The following CNTN5 variants were observed in gnomAD, a reference collection of about 807,000 sequenced individuals.
The protein encoded by CNTN5 is contactin 5.
A neutral mutation model predicts 129.1 loss-of-function variants in CNTN5; 77 were observed. The ratio of observed to expected loss-of-function variants is 0.60; its 90% confidence interval spans 0.50 to 0.72. The LOEUF is 0.72. Ranked by LOEUF, CNTN5 falls within the 30% of genes least tolerant of loss-of-function variation. CNTN5 has a pLI of 0.00. For synonymous variants in CNTN5, 509 were observed against 465.6 expected, an observed-to-expected ratio of 1.09 and a Z score of -1.20; for missense variants, 1,478 against 1,328.8, an observed-to-expected ratio of 1.11 and a Z score of -1.75.
At chr11:99,829,148 TAAAG>T (rs1193594332) in intron 4 of CNTN5, among the ~76,000 whole-genome samples, 2 of 152,160 alleles carry the variant, frequency 1.3e-5, no homozygotes, top group Admixed American at 6.5e-5. Flanking sequence ...GTGATATACT[TAAAG>T]AAGCATCAAA....
intron 1 of CNTN5, among the ~76,000 whole-genome samples, chr11:99,195,905 C>T (rs1352118821): frequency 6.6e-6 from 1 of 151,882 alleles, no homozygotes; most frequent in African/African-American, 2.4e-5. Context: ...ATACTTTATT[C>T]TGTCTACAGA....
chr11:100,302,847 TAAA>T (rs888175065), intron 20 of CNTN5, among the ~76,000 whole-genome samples: 6 of 151,632 alleles, frequency 4.0e-5, no homozygotes, highest in Non-Finnish European at 5.9e-5. Flanking sequence ...AGAATGCAAA[TAAA>T]ATTAATTATT....
chr11:99,600,018 C>T (rs369471832), intron 3 of CNTN5, among the ~76,000 whole-genome samples: 1 of 151,840 alleles, frequency 6.6e-6, no homozygotes. Flanking sequence ...AGAACTGATA[C>T]GAGGATGAAG....
chr11:99,267,560 T>C (rs1052286912), intron 1 of CNTN5, among the ~76,000 whole-genome samples: 2 of 152,010 alleles, frequency 1.3e-5, no homozygotes, highest in Non-Finnish European at 1.5e-5. Flanking sequence ...GTTAGTTTAA[T>C]TGATACTTGG....
At chr11:99,815,695 C>T (rs987594752) in intron 3 of CNTN5, among the ~76,000 whole-genome samples, 2 of 152,120 alleles carry the variant, frequency 1.3e-5, no homozygotes, top group Admixed American at 6.5e-5. Context: ...CTGCTGTGTG[C>T]ACACCCTCTG....
chr11:100,196,861 T>C (rs1948652357), intron 15 of CNTN5, among the ~76,000 whole-genome samples: 1 of 151,974 alleles, frequency 6.6e-6, no homozygotes, highest in Non-Finnish European at 1.5e-5. Context: ...AGTGAGTATA[T>C]TCTTAAGATT....
At chr11:100,038,816 G>A (rs1362916188) in intron 9 of CNTN5, among the ~76,000 whole-genome samples, 1 of 151,908 alleles carries the variant, frequency 6.6e-6, no homozygotes, top group East Asian at 1.9e-4. Flanking sequence ...TTTTCCATTT[G>A]CTTGATACAT....
intron 4 of CNTN5, among the ~76,000 whole-genome samples, chr11:99,837,286 C>T (rs1200767579): frequency 6.6e-6 from 1 of 152,104 alleles, no homozygotes; most frequent in African/African-American, 2.4e-5. Flanking sequence ...TAATATTAGC[C>T]AACATCAGAA....
At chr11:99,975,552 AT>A (rs1487595110) in intron 8 of CNTN5, among the ~76,000 whole-genome samples, 2 of 152,190 alleles carry the variant, frequency 1.3e-5, no homozygotes, top group Non-Finnish European at 2.9e-5. Context: ...TGACTCACAG[AT>A]CCACGTGGCT....
chr11:99,460,824 T>G (rs574753080), intron 2 of CNTN5, among the ~76,000 whole-genome samples: 46 of 152,110 alleles, frequency 3.0e-4, no homozygotes, highest in Middle Eastern at 3.4e-3. Context: ...ACGTTATCAA[T>G]TTCTTACATA....
chr11:100,286,233 T>A, intron 18 of CNTN5, among the ~76,000 whole-genome samples: 1 of 152,176 alleles, frequency 6.6e-6, no homozygotes, highest in Non-Finnish European at 1.5e-5. Context: ...GCAGGGAAGC[T>A]CCAACTGGGT....
chr11:100,248,583 C>T (rs1331400234), intron 16 of CNTN5, among the ~76,000 whole-genome samples: 1 of 151,802 alleles, frequency 6.6e-6, no homozygotes, highest in Non-Finnish European at 1.5e-5. Flanking sequence ...GCAGGAAAGT[C>T]CTTAAAATCA....
rs1043742276 is a variant in CNTN5 at position 99,942,286 on chromosome 11, T to C, written c.674-14520T>C. On this transcript the variant is annotated intron_variant, in intron 7 of 24. Coordinates refer to ENST00000524871, the MANE Select transcript of CNTN5 (RefSeq NM_014361.4). ...GCATCCAGAGAACTATGGGAGAACATAGGACCACTACAAGAGGAATGTGTT... is the reference window on the plus strand; with the variant it reads ...GCATCCAGAGAACTATGGGAGAACACAGGACCACTACAAGAGGAATGTGTT... Among the ~76,000 whole-genome samples, 7 of 152,002 alleles carry C rather than the reference T, an allele frequency of 4.6e-5. No homozygotes were observed. The East Asian group carries it at 9.7e-4, about 21-fold the overall frequency.
At chr11:99,279,974 A>ATCTGT (rs1012808218) in intron 1 of CNTN5, among the ~76,000 whole-genome samples, 3 of 151,492 alleles carry the variant, frequency 2.0e-5, no homozygotes, top group African/African-American at 7.3e-5. Context: ...AGCATAATAT[A>ATCTGT]TCTGTTCTTT....
Position 99,612,634 on chromosome 11 carries a change from C to G in CNTN5, c.55+56365C>G, listed in dbSNP as rs369817386. Among the ~76,000 whole-genome samples the G allele has an allele frequency of 9.2e-5, 14 of 152,238 alleles. No individual in the cohort carries two copies. In the East Asian group the frequency reaches 2.5e-3, roughly 27 times the overall value. On this transcript the variant is annotated intron_variant, in intron 3 of 24. Coordinates refer to ENST00000524871, the MANE Select transcript of CNTN5 (RefSeq NM_014361.4). The stretch of plus-strand genomic sequence containing the variant: ...TAGGAGCCTGAGCTCTCCAAAGCTG[C>G]CTTTACAAAATTGAAAGGTTCTCTA...
intron 3 of CNTN5, among the ~76,000 whole-genome samples, chr11:99,744,369 T>C (rs541885238): frequency 7.2e-5 from 11 of 151,790 alleles, no homozygotes; most frequent in African/African-American, 2.7e-4. Flanking sequence ...AACAAGTCTC[T>C]TAAGGACGTA....
At chr11:100,334,141 AAAG>A (rs971536438) in intron 21 of CNTN5, among the ~76,000 whole-genome samples, 1 of 152,212 alleles carries the variant, frequency 6.6e-6, no homozygotes, top group Non-Finnish European at 1.5e-5. Flanking sequence ...ACAATTCTCA[AAAG>A]AAGATATGCA....
intron 3 of CNTN5, among the ~76,000 whole-genome samples, chr11:99,788,942 A>C (rs1293406900): frequency 2.0e-5 from 3 of 151,898 alleles, no homozygotes; most frequent in Non-Finnish European, 4.4e-5. Flanking sequence ...AAACGTTTCC[A>C]ATAAGAGCCT....
chr11:99,410,937 C>T (rs568734335), intron 2 of CNTN5, among the ~76,000 whole-genome samples: 1 of 152,276 alleles, frequency 6.6e-6, no homozygotes, highest in South Asian at 2.1e-4. Context: ...TTCCAAACCA[C>T]AGTATACAGT....
Sources: gnomAD v4.1 joint callset for allele counts (sites outside exome capture counted in the v4.1 genomes callset) on GRCh38, gnomAD v4.1.1 for gene constraint, MANE v1.5 for transcripts, NCBI Gene and HGNC (gene_info 2026-07-23, HGNC 2026-07-21) for gene names.